Variants in MIA2 observed in about 807,000 individuals in gnomAD.
MIA2 encodes MIA SH3 domain ER export factor 2, also known as melanoma inhibitory activity protein 2.
A neutral mutation model predicts 167.8 loss-of-function variants in MIA2; 127 were observed. The ratio of observed to expected loss-of-function variants is 0.76; its 90% CI spans 0.66 to 0.88. The LOEUF (loss-of-function observed/expected upper bound fraction) is 0.88, where lower values mean the gene tolerates loss of function less well. Among genes scored for constraint, MIA2 ranks in the 40% least tolerant of loss-of-function variants. The pLI is 0.00. For synonymous variants in MIA2, 552 were observed against 541.9 expected (o/e 1.02, Z -0.26); for missense variants, 1,690 against 1,624.7 (o/e 1.04, Z -0.69).
chr14:39,244,324 A>G (rs934477365), intron 3 of MIA2, among the ~76,000 whole-genome samples: 2 of 152,142 alleles, frequency 1.3e-5, no homozygotes, highest in African/African-American at 4.8e-5. Context: ...AGAATAGGAG[A>G]AGGTCAGAAA....
intron 23 of MIA2, among the ~76,000 whole-genome samples, chr14:39,365,743 A>G (rs1428964984): frequency 6.6e-6 from 1 of 151,188 alleles, no homozygotes; most frequent in East Asian, 1.9e-4. Context: ...ATTTCTTTGT[A>G]TTGTTCATCT....
intron 25 of MIA2, among the ~76,000 whole-genome samples, chr14:39,337,175 T>G (rs1002695912): frequency 6.6e-6 from 1 of 152,090 alleles, no homozygotes; most frequent in African/African-American, 2.4e-5. Flanking sequence ...AGGTGGAAAG[T>G]AAAAGGATAG....
intron 23 of MIA2, among the ~76,000 whole-genome samples, chr14:39,359,598 G>C (rs971126082): frequency 1.3e-5 from 2 of 152,122 alleles, no homozygotes; most frequent in Admixed American, 1.3e-4. Flanking sequence ...AGATGAACCC[G>C]GTACCTCTAT....
intron 22 of MIA2, among the ~76,000 whole-genome samples, chr14:39,318,271 A>T (rs1021382106): frequency 3.9e-5 from 6 of 152,102 alleles, no homozygotes; most frequent in African/African-American, 1.2e-4. Flanking sequence ...ACCAGTGTAG[A>T]TGGATGGAGG....
intron 23 of MIA2, among the ~76,000 whole-genome samples, chr14:39,362,224 C>T (rs1230817006): frequency 6.6e-6 from 1 of 152,012 alleles, no homozygotes. Context: ...GGGAAAATTT[C>T]CTCCTCTTCA....
chr14:39,288,465 ATATATATATATTTTT>A (rs2060204209), intron 9 of MIA2, among the ~76,000 whole-genome samples: 1 of 42,696 alleles, frequency 2.3e-5, no homozygotes, highest in Non-Finnish European at 3.8e-5. Context: ...ATATATATAT[ATATATATATATTTTT>A]TTTTTTTTTT....
chr14:39,257,586 T>A (rs994586692), intron 6 of MIA2, among the ~76,000 whole-genome samples: 3 of 152,146 alleles, frequency 2.0e-5, no homozygotes, highest in Non-Finnish European at 4.4e-5. Context: ...CATTTACATT[T>A]AAGGTTAATA....
chr14:39,308,881 A>G (rs750734537), intron 18 of MIA2, among the ~76,000 whole-genome samples: 1 of 152,168 alleles, frequency 6.6e-6, no homozygotes, highest in Non-Finnish European at 1.5e-5. Flanking sequence ...ATCTGAATGG[A>G]CACTCTTGAT....
intron 22 of MIA2, among the ~76,000 whole-genome samples, chr14:39,318,907 C>G (rs2065936173): frequency 6.6e-6 from 1 of 152,060 alleles, no homozygotes; most frequent in African/African-American, 2.4e-5. Flanking sequence ...TTGGAGGACT[C>G]TTGTATTTCA....
intron 6 of MIA2, chr14:39,266,112 C>A: frequency 2.0e-6 from 2 of 985,344 alleles, no homozygotes; most frequent in Non-Finnish European, 2.4e-6. Context: ...AGGAAAATTT[C>A]CTAAGGATTT....
At chr14:39,310,986 G>C (rs1441394948) in intron 18 of MIA2, among the ~76,000 whole-genome samples, 1 of 152,138 alleles carries the variant, frequency 6.6e-6, no homozygotes, top group Non-Finnish European at 1.5e-5. Context: ...GGATATAAAA[G>C]TGATTGAGGT....
chr14:39,339,747 C>T (rs969039738), intron 25 of MIA2, among the ~76,000 whole-genome samples: 20 of 152,170 alleles, frequency 1.3e-4, no homozygotes, highest in African/African-American at 4.1e-4. Flanking sequence ...CCACTAGGCA[C>T]ATGTGGCTAG....
downstream of MIA2, chr14:39,350,774 A>G (rs2074304341): frequency 6.6e-6 from 1 of 151,294 alleles, no homozygotes; most frequent in Non-Finnish European, 1.5e-5. Context: ...TTTTGTGTTC[A>G]ATTATGTTAT....
Position 39,367,844 on chromosome 14 carries a change from T to C in MIA2, c.2248+18867T>C, listed in dbSNP as rs190317995. Among the ~76,000 whole-genome samples the C allele has an allele frequency of 5.3e-5, 8 of 152,306 alleles. No homozygotes were observed. In the East Asian group the frequency reaches 1.5e-3, roughly 29 times the overall value. On this transcript the variant is annotated intron_variant, in intron 23 of 23. Transcript: ENST00000341502. Reference sequence around the variant, plus strand: ...TGTCGTCGGTTTTTTTTTCCAAATATTGTGATCTGTGGTTGATTGATTCTG... The same window carrying C: ...TGTCGTCGGTTTTTTTTTCCAAATACTGTGATCTGTGGTTGATTGATTCTG...
At chr14:39,370,159 A>G (rs1306197160) in intron 23 of MIA2, 2 of 152,290 alleles carry the variant, frequency 1.3e-5, no homozygotes, top group Non-Finnish European at 2.9e-5. Context: ...TAGACAAACT[A>G]AAATCACCCG....
intron 13 of MIA2, 84 bp from the exon 14 acceptor site, chr14:39,299,780 T>C: frequency 1.4e-6 from 2 of 1,432,780 alleles, no homozygotes; most frequent in South Asian, 2.8e-5. Context: ...TTTTTCTTTT[T>C]TAAGTAGCTA....
At chr14:39,282,235 C>T (rs188120262) in intron 9 of MIA2, among the ~76,000 whole-genome samples, 39 of 152,200 alleles carry the variant, frequency 2.6e-4, no homozygotes, top group African/African-American at 7.7e-4. Context: ...TTGGAAATTT[C>T]AGATAACTTT....
At chr14:39,329,442 C>G (rs1167929833) in intron 25 of MIA2, among the ~76,000 whole-genome samples, 1 of 152,058 alleles carries the variant, frequency 6.6e-6, no homozygotes, top group Admixed American at 6.6e-5. Flanking sequence ...TATATGAATA[C>G]CCTTTATTTA....
intron 9 of MIA2, among the ~76,000 whole-genome samples, chr14:39,286,416 G>A (rs555554701): frequency 1.3e-5 from 2 of 152,342 alleles, no homozygotes; most frequent in East Asian, 3.9e-4. Flanking sequence ...CTTTGGCTCG[G>A]CATCAGAGGG....
Sources: allele counts gnomAD v4.1 joint callset (sites outside exome capture counted in the v4.1 genomes callset), GRCh38; gene constraint gnomAD v4.1.1; transcripts MANE v1.5; gene names NCBI Gene and HGNC (gene_info 2026-07-23, HGNC 2026-07-21).